BICRAL: variants seen among roughly 807,000 people sequenced by gnomAD.
The protein encoded by BICRAL is BICRA like chromatin remodeling complex associated protein, also known as BRD4-interacting chromatin-remodeling complex-associated protein-like.
BICRAL carries 8 observed loss-of-function variants against 91.8 expected under a neutral mutation model. That is an observed-to-expected ratio of 0.09 (90% confidence interval 0.05 to 0.16). The LOEUF is 0.16. Ranked by LOEUF, BICRAL falls within the 10% of genes least tolerant of loss-of-function variation. BICRAL has a pLI of 1.00. For synonymous variants in BICRAL, 445 were observed against 491.1 expected (o/e 0.91, Z 1.24); for missense variants, 1,038 against 1,310.9 (o/e 0.79, Z 3.21).
intron 2 of BICRAL, among the ~76,000 whole-genome samples, chr6:42,816,294 G>A (rs938198798): frequency 6.6e-6 from 1 of 151,556 alleles, no homozygotes; most frequent in Non-Finnish European, 1.5e-5. Context: ...GGGGAGGATC[G>A]CTTGGGCCCA....
intron 8 of BICRAL, 40 bp downstream of exon 8, chr6:42,853,778 A>G (rs536185129): frequency 7.3e-7 from 1 of 1,365,442 alleles, no homozygotes; most frequent in Admixed American, 1.7e-5. Flanking sequence ...AATGTTCGGC[A>G]TAATTGAATG....
chr6:42,846,420 G>T (rs1043405507), intron 6 of BICRAL, among the ~76,000 whole-genome samples: 8 of 138,538 alleles, frequency 5.8e-5, no homozygotes, highest in African/African-American at 2.2e-4. Flanking sequence ...AATAAATAAA[G>T]AGTTATAGAT....
chr6:42,806,549 T>C (rs1006635558), intron 1 of BICRAL, among the ~76,000 whole-genome samples: 1 of 150,252 alleles, frequency 6.7e-6, no homozygotes, highest in East Asian at 1.9e-4. Context: ...GTCTTACTCT[T>C]CTGGCCAGGC....
At chr6:42,746,670 TTC>T (rs1762279930), upstream of BICRAL, among the ~76,000 whole-genome samples, 2 of 151,120 alleles carry the variant, frequency 1.3e-5, no homozygotes, top group South Asian at 4.2e-4. Context: ...CCACCACCCC[TTC>T]CCCCAACCCA....
At chr6:42,799,456 G>A (rs555818719) in intron 1 of BICRAL, among the ~76,000 whole-genome samples, 4 of 151,982 alleles carry the variant, frequency 2.6e-5, no homozygotes, top group South Asian at 2.1e-4. Context: ...CACCACGCCC[G>A]GCTAGTTTTT....
At position 42,816,319 on chromosome 6, in the gene BICRAL, G is replaced by C. The variant is rs569495909; in HGVS notation, c.-5-5699G>C. On this transcript the variant is annotated intron_variant, in intron 2 of 12. Coordinates refer to ENST00000314073, the MANE Select transcript of BICRAL (RefSeq NM_001393499.1). ...GCTTGGGCCCAAGAGTTCAAGGCCA[G>C]GCTGGGCAACATAATGAAACCCTGT... 3.3e-5 allele frequency among the ~76,000 whole-genome samples: 5 copies of C among 152,020 alleles called. No individual in the cohort carries two copies. In the South Asian group the frequency reaches 1.0e-3, roughly 32 times the overall value.
intron 8 of BICRAL, among the ~76,000 whole-genome samples, chr6:42,854,008 G>C (rs1765271494): frequency 1.3e-5 from 2 of 152,164 alleles, no homozygotes; most frequent in Admixed American, 1.3e-4. Context: ...TATACCAGCA[G>C]CTAGTACATA....
At position 42,826,077 on chromosome 6, in the gene BICRAL, CT is replaced by C. The variant is rs202114146; in HGVS notation, c.160-2414del. Among the ~76,000 whole-genome samples, 1,056 of 141,198 alleles carry C rather than the reference CT, an allele frequency of 7.5e-3. 5 individuals carry two copies. Among genetic ancestry groups the C allele is most frequent in the African/African-American group, 0.023 (929 of 40,540 alleles). 92.6% of individuals were successfully genotyped at this position (141,198 alleles called of 152,430 possible). On this transcript the variant is annotated intron_variant, in intron 5 of 12. Coordinates refer to ENST00000314073, the MANE Select transcript of BICRAL (RefSeq NM_001393499.1). ...CCAGCATGGGTGACACAGTGAGACTCTTGTCTCAGGGGAAAAAAGAAAAAAA... is the reference window on the plus strand; with the variant it reads ...CCAGCATGGGTGACACAGTGAGACTCTGTCTCAGGGGAAAAAAGAAAAAAA...
At chr6:42,804,250 G>C (rs974119527) in intron 1 of BICRAL, among the ~76,000 whole-genome samples, 1 of 152,182 alleles carries the variant, frequency 6.6e-6, no homozygotes, top group Non-Finnish European at 1.5e-5. Context: ...TCAAACTCCT[G>C]ACCTCAGGTG....
intron 9 of BICRAL, among the ~76,000 whole-genome samples, chr6:42,856,851 G>C: frequency 6.6e-6 from 1 of 152,074 alleles, no homozygotes. Context: ...AAGGTTTATA[G>C]GGGTGCCAAC....
chr6:42,758,240 C>G (rs1762490493), intron 1 of BICRAL, among the ~76,000 whole-genome samples: 1 of 152,194 alleles, frequency 6.6e-6, no homozygotes, highest in Middle Eastern at 3.2e-3. Context: ...CCCCAGTTCT[C>G]TATACCGTAG....
rs151009394 is a variant in BICRAL at position 42,788,948 on chromosome 6, G to C, written c.-102+6847G>C. 4.1e-4 allele frequency among the ~76,000 whole-genome samples: 63 copies of C among 152,264 alleles called. 1 individual carries two copies. The highest frequency in any genetic ancestry group is 3.5e-3 in the East Asian group (18 of 5,188). On this transcript the variant is annotated intron_variant, in intron 1 of 12. Coordinates refer to ENST00000314073, the MANE Select transcript of BICRAL (RefSeq NM_001393499.1). Reference sequence around the variant, plus strand: ...TTATGAGGGCAGCGAAGAGCAGGCAGGTGATCAGTTCACCCAAAATTCGTG... The same window carrying C: ...TTATGAGGGCAGCGAAGAGCAGGCACGTGATCAGTTCACCCAAAATTCGTG...
chr6:42,843,012 C>G (rs1445143797), intron 6 of BICRAL, among the ~76,000 whole-genome samples: 3 of 152,074 alleles, frequency 2.0e-5, no homozygotes, highest in Non-Finnish European at 4.4e-5. Flanking sequence ...CACCATCACA[C>G]CCATTTAATT....
intron 1 of BICRAL, among the ~76,000 whole-genome samples, chr6:42,801,859 G>A (rs1286540626): frequency 1.3e-5 from 2 of 151,008 alleles, no homozygotes; most frequent in Non-Finnish European, 2.9e-5. Context: ...CTCCAGCCTG[G>A]GTGACAGAGT....
At chr6:42,846,377 A>AAC (rs1765011162) in intron 6 of BICRAL, among the ~76,000 whole-genome samples, 9 of 151,408 alleles carry the variant, frequency 5.9e-5, no homozygotes, top group African/African-American at 2.2e-4. Flanking sequence ...CAAAAAAATA[A>AAC]AATAAACAAT....
In BICRAL at chr6:42,845,148, CTGTT is replaced by C. The variant is rs1214055548; in HGVS notation, c.1840-6941_1840-6938del. On this transcript the variant is annotated intron_variant, in intron 6 of 12. Coordinates refer to ENST00000314073, the MANE Select transcript of BICRAL (RefSeq NM_001393499.1). Reference sequence around the variant, plus strand: ...TTGGATGGTAAATTTGAGATAAAGACTGTTTGGTATCCTTCGGCTGCCTTCTCTG... The same window carrying C: ...TTGGATGGTAAATTTGAGATAAAGACTGGTATCCTTCGGCTGCCTTCTCTG... Among the ~76,000 whole-genome samples, 5 of 134,906 alleles carry C rather than the reference CTGTT, an allele frequency of 3.7e-5. 1 individual carries two copies. The highest frequency in any genetic ancestry group is 9.2e-3 in the Middle Eastern group (2 of 218). The allele number at this position is 134,906 out of a possible 152,430, so 88.5% of individuals were successfully genotyped here.
chr6:42,777,245 A>G (rs1170789212), upstream of BICRAL, among the ~76,000 whole-genome samples: 1 of 152,220 alleles, frequency 6.6e-6, no homozygotes. Context: ...ACACCATGCT[A>G]AACATTTTAC....
intron 1 of BICRAL, among the ~76,000 whole-genome samples, chr6:42,771,087 G>T (rs1466156543): frequency 1.3e-5 from 2 of 152,196 alleles, no homozygotes; most frequent in African/African-American, 2.4e-5. Flanking sequence ...CCTGCCCAGG[G>T]CCACCCCAAG....
intron 6 of BICRAL, among the ~76,000 whole-genome samples, chr6:42,844,441 G>A (rs1487442379): frequency 2.7e-5 from 4 of 147,402 alleles, no homozygotes; most frequent in Non-Finnish European, 6.0e-5. Flanking sequence ...CCCGGGAGGC[G>A]GAGCTTGCAG....
Sources: allele counts gnomAD v4.1 joint callset (sites outside exome capture counted in the v4.1 genomes callset), GRCh38; gene constraint gnomAD v4.1.1; transcripts MANE v1.5; gene names NCBI Gene and HGNC (gene_info 2026-07-23, HGNC 2026-07-21).